RHBDF1: variants seen among roughly 807,000 people sequenced by gnomAD.
RHBDF1 encodes rhomboid 5 homolog 1.
RHBDF1 carries 80 observed loss-of-function variants against 98.6 expected under a neutral mutation model. The observed-to-expected ratio is 0.81, with a 90% confidence interval of 0.68 to 0.98. The LOEUF (loss-of-function observed/expected upper bound fraction) is 0.98. Among genes scored for constraint, RHBDF1 ranks in the 50% least tolerant of loss-of-function variants. The pLI is 0.00. For missense variants in RHBDF1, 1,116 were observed against 1,198.3 expected, an observed-to-expected ratio of 0.93 and a Z score of 1.01; for synonymous variants, 512 against 486.8, an observed-to-expected ratio of 1.05 and a Z score of -0.68.
intron 3 of RHBDF1, chr16:64,498 G>C: frequency 1.3e-6 from 2 of 1,535,532 alleles, no homozygotes; most frequent in Non-Finnish European, 8.8e-7. Flanking sequence ...GAGTGCTGAA[G>C]AGAAGGGAGT....
chr16:62,404 A>G, intron 7 of RHBDF1, 134 bp downstream of exon 7: 6 of 1,201,032 alleles, frequency 5.0e-6, no homozygotes, highest in Non-Finnish European at 7.0e-6. Context: ...CTGGTGGCCC[A>G]GTGAGTAGTG....
At position 61,943 on chromosome 16, in the gene RHBDF1, G is replaced by A. The variant is rs779265495; in HGVS notation, c.1063C>T (p.Arg355Cys). The A allele has an allele frequency of 1.3e-6, 2 of 1,597,702 alleles. No individual in the cohort carries two copies. Among genetic ancestry groups the A allele is most frequent in the Admixed American group, 1.7e-5 (1 of 59,872 alleles). Residue 355 changes from arginine (R) to cysteine (C), a missense_variant, in exon 8 of 18, where the codon CGT becomes TGT. Arg to Cys is a radical substitution (Grantham distance 180, BLOSUM62 -3). Transcript: ENST00000262316. Reference sequence around the variant, plus strand: ...AGCTTGCGCACCGGCACCGCGATACGCTGGCCCCGTCGCGGCCCCGCGGTG... The same window carrying A: ...AGCTTGCGCACCGGCACCGCGATACACTGGCCCCGTCGCGGCCCCGCGGTG... ...VSTAGPRRGQRIAVPVRKLFA... is the reference protein window; with the variant it reads ...VSTAGPRRGQCIAVPVRKLFA...
In RHBDF1 at chr16:58,743, G is replaced by T. The variant is rs1379085395; in HGVS notation, c.2165C>A (p.Ser722Tyr). ...PYRAEVGPAG[S>Y]QFGILACLFV... ...GAGGCAGGCCAGGATGCCGAACTGG[G>T]AGCCAGCAGGACCCACCTGGGGGAT... Residue 722 changes from serine to tyrosine, a missense_variant, in exon 18 of 18, where the codon TCC becomes TAC. Physicochemically the swap from Ser to Tyr is moderately radical, Grantham distance 144. Transcript: ENST00000262316. The T allele has an allele frequency of 1.2e-6, 2 of 1,612,500 alleles. No individual in the cohort carries two copies. Among genetic ancestry groups the T allele is most frequent in the Non-Finnish European group, 8.5e-7 (1 of 1,179,686 alleles).
At chr16:60,112 G>A (rs1455792377) in intron 13 of RHBDF1, 104 bp downstream of exon 13, 6 of 1,583,884 alleles carry the variant, frequency 3.8e-6, no homozygotes, top group East Asian at 2.3e-5. Flanking sequence ...AAAACGTGAG[G>A]TGGTCCCATG....
rs759878923 is a variant in RHBDF1 at position 61,957 on chromosome 16, G to A, written c.1049C>T (p.Pro350Leu). The A allele has an allele frequency of 2.5e-6, 4 of 1,594,078 alleles. No individual in the cohort carries two copies. The highest frequency in any genetic ancestry group is 1.7e-6 in the Non-Finnish European group (2 of 1,177,708). The change falls in exon 8 of 18, where the codon CCG becomes CTG. Residue 350 changes from proline to leucine, a missense_variant. Transcript: ENST00000262316. ...LRQEVVSTAG[P>L]RRGQRIAVPV... ...CACCGCGATACGCTGGCCCCGTCGC[G>A]GCCCCGCGGTGCTCACCACCTCCTG...
intron 12 of RHBDF1, 35 bp downstream of exon 12, chr16:60,404 C>T: frequency 6.2e-7 from 1 of 1,604,676 alleles, no homozygotes; most frequent in Non-Finnish European, 8.5e-7. Context: ...AAGGTGTGGA[C>T]AAAGGCAGGT....
At chr16:66,353 CTG>C (rs982856950) in intron 1 of RHBDF1, among the ~76,000 whole-genome samples, 1 of 152,190 alleles carries the variant, frequency 6.6e-6, no homozygotes, top group Admixed American at 6.5e-5. Flanking sequence ...AATAGGGAAA[CTG>C]AGGCCAGGAA....
chr16:60,321 T>C, intron 12 of RHBDF1, 42 bp from the exon 13 acceptor site: 2 of 1,612,168 alleles, frequency 1.2e-6, no homozygotes, highest in Non-Finnish European at 8.5e-7. Context: ...TTCGAGCCCC[T>C]AGCATTGGCA....
chr16:61,189 C>A lies in RHBDF1; in HGVS notation c.1488G>T (p.Glu496Asp). The A allele has an allele frequency of 6.5e-7, 1 of 1,542,570 alleles. No individual in the cohort carries two copies. Residue 496 changes from glutamate to aspartate, a missense_variant, in exon 11 of 18, where the codon GAG becomes GAT. Coordinates refer to ENST00000262316, the MANE Select transcript of RHBDF1 (RefSeq NM_022450.5). ...TGCGCACGCAGCAGGCGGAGTGCTT[C>A]TCGCGCTCGCGCGCCGAGCGAATGA... The part of the protein sequence containing the change: ...HSFIRSARER[E>D]KHSACCVRND...
chr16:61,036 A>T (rs1324280212), intron 11 of RHBDF1, 84 bp downstream of exon 11: 1 of 1,418,472 alleles, frequency 7.0e-7, no homozygotes, highest in East Asian at 2.5e-5. Context: ...ACGAGGGCGA[A>T]GGATCACTCT....
intron 1 of RHBDF1, among the ~76,000 whole-genome samples, chr16:66,585 G>C (rs1290869417): frequency 6.6e-6 from 1 of 152,148 alleles, no homozygotes; most frequent in Non-Finnish European, 1.5e-5. Flanking sequence ...AGGTGGGAGG[G>C]GGTACTTCAG....
chr16:64,126 T>G, intron 3 of RHBDF1: 1 of 668,560 alleles, frequency 1.5e-6, no homozygotes, highest in Non-Finnish European at 2.4e-6. Context: ...CGAGAGAGCT[T>G]GGCCCCAGGA....
At position 59,571 on chromosome 16, in the gene RHBDF1, G is replaced by A. The variant is rs149977945; in HGVS notation, c.1818-77C>T. The stretch of plus-strand genomic sequence containing the variant: ...CTGGCATCCAGGGCGAGTTTCAGCC[G>A]CACCTACCCACCTTTGTTGGCCCCA... On this transcript the variant is annotated intron_variant, in intron 14 of 17. Transcript: ENST00000262316. 3.1e-4 allele frequency: 460 copies of A among 1,505,790 alleles called. 1 individual carries two copies. Among genetic ancestry groups the A allele is most frequent in the Non-Finnish European group, 3.8e-4 (413 of 1,099,146 alleles). The allele number at this position is 1,505,790 out of a possible 1,614,324, so 93.3% of individuals were successfully genotyped here.
At chr16:59,667 A>G (rs3213509) in intron 14 of RHBDF1, 65 bp downstream of exon 14, 163,236 of 1,577,682 alleles carry the variant, frequency 0.1, 15,257 homozygotes, top group Admixed American at 0.38. Context: ...GTTAGGGAGA[A>G]GGCACACCCT....
chr16:63,602 C>T lies in RHBDF1; in HGVS notation c.447G>A (p.Gln149=). The change falls in exon 4 of 18, where the codon CAG becomes CAA. Residue 149 remains glutamine (Q), a synonymous_variant. Transcript: ENST00000262316. ...GCAGGCATACCTTCTGCATGCCCAGCTGGCATGGCCCCACGTAGAGTGGGG... is the reference window on the plus strand; with the variant it reads ...GCAGGCATACCTTCTGCATGCCCAGTTGGCATGGCCCCACGTAGAGTGGGG... ...TPPPLYVGPC[Q]LGMQKIIDPL... 6.4e-7 allele frequency: 1 copy of T among 1,557,692 alleles called. No homozygotes were observed. The highest frequency in any genetic ancestry group is 8.7e-7 in the Non-Finnish European group (1 of 1,152,212).
intron 1 of RHBDF1, among the ~76,000 whole-genome samples, chr16:71,940 C>T (rs1897980868): frequency 6.6e-6 from 1 of 152,222 alleles, no homozygotes; most frequent in Admixed American, 6.5e-5. Context: ...TCGAAGTGTA[C>T]AGATGGGGGA....
upstream of RHBDF1, among the ~76,000 whole-genome samples, chr16:72,798 G>A (rs572245286): frequency 3.0e-3 from 463 of 152,236 alleles, 2 homozygotes; most frequent in Middle Eastern, 0.01. Flanking sequence ...GGGACACCTG[G>A]GGCTGGGGTC....
rs1461267469 is a variant in RHBDF1, at chr16:58,609, T to A, written c.2299A>T (p.Ile767Phe). 6.2e-7 allele frequency: 1 copy of A among 1,613,606 alleles called. No individual in the cohort carries two copies. Among genetic ancestry groups the A allele is most frequent in the Admixed American group, 1.7e-5 (1 of 60,016 alleles). Residue 767 changes from isoleucine (I) to phenylalanine (F), a missense_variant, in exon 18 of 18, where the codon ATT becomes TTT. Transcript: ENST00000262316. Reference sequence around the variant, plus strand: ...CCTGAGATGTGGGCAAAGTTGTCAATCCACGGCAGCAGCCCAAAGGTGAAG... The same window carrying A: ...CCTGAGATGTGGGCAAAGTTGTCAAACCACGGCAGCAGCCCAAAGGTGAAG... ...FLFTFGLLPW[I>F]DNFAHISGFI...
At position 64,276 on chromosome 16, in the gene RHBDF1, T is replaced by C. The variant is rs1596471938; in HGVS notation, c.248+423A>G. 7.5e-6 allele frequency: 10 copies of C among 1,333,210 alleles called. No homozygotes were observed. In the South Asian group the frequency reaches 1.1e-4, roughly 15 times the overall value. 82.6% of individuals were successfully genotyped at this position (1,333,210 alleles called of 1,614,324 possible). ...AACCACACTGGCAGCTCCCAAGAGG[T>C]CACATGCCAAGCACATGCCAGAAAA... On this transcript the variant is annotated intron_variant, in intron 3 of 17. Transcript: ENST00000262316.
Sources: gnomAD v4.1 joint callset for allele counts (sites outside exome capture counted in the v4.1 genomes callset) on GRCh38, gnomAD v4.1.1 for gene constraint, MANE v1.5 for transcripts, NCBI Gene and HGNC (gene_info 2026-07-23, HGNC 2026-07-21) for gene names.